Variants in FAM8A1 observed in about 807,000 individuals in gnomAD.
The protein encoded by FAM8A1 is protein FAM8A1.
A neutral mutation model predicts 38.3 loss-of-function variants in FAM8A1; 18 were observed. That is an observed-to-expected ratio of 0.47 (90% CI 0.33 to 0.70). The LOEUF is 0.70. Among genes scored for constraint, FAM8A1 ranks in the 30% least tolerant of loss-of-function variants. The probability of loss-of-function intolerance (pLI) is 0.03; values close to 1 mark genes in which losing one functional copy is unlikely to be tolerated. For synonymous variants in FAM8A1, 246 were observed against 234.4 expected, an observed-to-expected ratio of 1.05 and a Z score of -0.45; for missense variants, 559 against 559.6, an observed-to-expected ratio of 1.00 and a Z score of 0.01.
Position 17,605,038 on chromosome 6 carries a change from C to G in FAM8A1, c.957+9C>G. On this transcript the variant is annotated intron_variant, in intron 3 of 4. Transcript: ENST00000259963. Reference sequence around the variant, plus strand: ...TAGTTTGTTTCTATGAGGTAAGCTACTGACTTCAGCAAGAATTAATATTTA... The same window carrying G: ...TAGTTTGTTTCTATGAGGTAAGCTAGTGACTTCAGCAAGAATTAATATTTA... 1 of 1,596,862 alleles carries G rather than the reference C, an allele frequency of 6.3e-7. No individual in the cohort carries two copies. Among genetic ancestry groups the G allele is most frequent in the Non-Finnish European group, 8.5e-7 (1 of 1,172,994 alleles).
chr6:17,601,865 A>G (rs1763990156), intron 1 of FAM8A1, among the ~76,000 whole-genome samples: 1 of 152,018 alleles, frequency 6.6e-6, no homozygotes, highest in Non-Finnish European at 1.5e-5. Flanking sequence ...GGGGGATTAC[A>G]GGGATTTACT....
At position 17,600,638 on chromosome 6, in the gene FAM8A1, G is replaced by T; in HGVS notation, c.229G>T (p.Gly77Trp). ...GCCGCCGCGCGAGCTCAGGAAGCGC[G>T]GGGAGGCGGCCTCCGGCTCCGGTGC... The part of the protein sequence containing the change: ...LEPPRELRKR[G>W]EAASGSGAEL... The change falls in exon 1 of 5, where the codon GGG becomes TGG. Residue 77 changes from glycine to tryptophan, a missense_variant. Physicochemically the swap from Gly to Trp is radical, Grantham distance 184. This residue lies in a region of FAM8A1 where 393 missense variants were observed against 338.9 expected (regional missense o/e 1.16). Transcript: ENST00000259963. 2 of 1,538,450 alleles carry T rather than the reference G, an allele frequency of 1.3e-6. No individual in the cohort carries two copies. The highest frequency in any genetic ancestry group is 1.2e-5 in the South Asian group (1 of 83,604).
intron 4 of FAM8A1, 36 bp downstream of exon 4, chr6:17,606,049 T>C (rs1385426905): frequency 1.4e-6 from 2 of 1,431,588 alleles, no homozygotes; most frequent in Non-Finnish European, 1.9e-6. Flanking sequence ...ACTACATACT[T>C]AATGAAAATA....
At chr6:17,605,494 C>T (rs1002084663) in intron 3 of FAM8A1, among the ~76,000 whole-genome samples, 5 of 152,034 alleles carry the variant, frequency 3.3e-5, no homozygotes, top group Non-Finnish European at 4.4e-5. Flanking sequence ...TTTAACTAAT[C>T]ATTAAGTAAA....
Position 17,600,338 on chromosome 6 carries a change from G to GTTGGGGAGGGGCCA in FAM8A1, c.-65_-52dup. ...CGGTTGCTGCGGTGGTGACGGGGCT[G>GTTGGGGAGGGGCCA]TTGGGGAGGGGCCATTGGGGGAGGG... On this transcript the variant is annotated 5_prime_UTR_variant, in exon 1 of 5. Transcript: ENST00000259963. The GTTGGGGAGGGGCCA allele has an allele frequency of 7.6e-7, 1 of 1,321,798 alleles. No homozygotes were observed. 81.9% of individuals were successfully genotyped at this position (1,321,798 alleles called of 1,614,324 possible). A position where few individuals can be genotyped will look rare whatever the true frequency, so the allele number is the denominator to read the frequency against.
In FAM8A1 at chr6:17,600,779, T is replaced by C. The variant is rs755527701; in HGVS notation, c.370T>C (p.Ser124Pro). 2 of 1,611,122 alleles carry C rather than the reference T, an allele frequency of 1.2e-6. No homozygotes were observed. The highest frequency in any genetic ancestry group is 1.7e-6 in the Non-Finnish European group (2 of 1,179,652). ...SRQVHEWLWQ[S>P]YCGYLTWHSG... ...GCAAGTGCACGAGTGGCTGTGGCAGTCCTACTGCGGCTACCTCACCTGGCA... is the reference window on the plus strand; with the variant it reads ...GCAAGTGCACGAGTGGCTGTGGCAGCCCTACTGCGGCTACCTCACCTGGCA... Residue 124 changes from serine (S) to proline (P), a missense_variant, in exon 1 of 5, where the codon TCC (serine) becomes CCC (proline). Ser to Pro is a moderately conservative substitution (Grantham distance 74). Coordinates refer to ENST00000259963, the MANE Select transcript of FAM8A1 (RefSeq NM_016255.3).
Position 17,606,700 on chromosome 6 carries a change from T to C in FAM8A1, c.1097+687T>C, listed in dbSNP as rs566506728. On this transcript the variant is annotated intron_variant, in intron 4 of 4. Transcript: ENST00000259963. Reference sequence around the variant, plus strand: ...ATAGGCAGCAGAGTTTTGACAGCTATGCATTCGTGCATCCTTCTCCTGCTG... The same window carrying C: ...ATAGGCAGCAGAGTTTTGACAGCTACGCATTCGTGCATCCTTCTCCTGCTG... 1.2e-3 allele frequency among the ~76,000 whole-genome samples: 188 copies of C among 152,280 alleles called. 1 individual carries two copies. The highest frequency in any genetic ancestry group is 2.1e-3 in the Non-Finnish European group (146 of 68,022).
intron 2 of FAM8A1, 109 bp from the exon 3 acceptor site, chr6:17,604,797 T>C: frequency 1.2e-6 from 1 of 822,036 alleles, no homozygotes; most frequent in South Asian, 1.8e-5. Context: ...AATCTAAAGA[T>C]TAGTTTAGAA....
At chr6:17,606,745 A>G (rs1337035804) in intron 4 of FAM8A1, among the ~76,000 whole-genome samples, 1 of 152,144 alleles carries the variant, frequency 6.6e-6, no homozygotes, top group Non-Finnish European at 1.5e-5. Flanking sequence ...AGCTTGTAAT[A>G]CTGCCAGTAT....
chr6:17,608,305 G>A lies in FAM8A1; in HGVS notation c.1208G>A (p.Gly403Glu). The A allele has an allele frequency of 6.2e-7, 1 of 1,612,156 alleles. No homozygotes were observed. Among genetic ancestry groups the A allele is most frequent in the Non-Finnish European group, 8.5e-7 (1 of 1,179,562 alleles). The change falls in exon 5 of 5, where the codon GGA becomes GAA. Residue 403 changes from glycine to glutamate, a missense_variant. Coordinates refer to ENST00000259963, the MANE Select transcript of FAM8A1 (RefSeq NM_016255.3). ...HNRTAYDIVA[G>E]TIVVKRNGVR ...CGAACAGCTTATGACATTGTAGCAGGAACCATTGTGGTAAAAAGAAATGGG... is the reference window on the plus strand; with the variant it reads ...CGAACAGCTTATGACATTGTAGCAGAAACCATTGTGGTAAAAAGAAATGGG...
chr6:17,602,565 A>C (rs762337032), intron 1 of FAM8A1, 25 bp from the exon 2 acceptor site: 14 of 1,402,546 alleles, frequency 1.0e-5, no homozygotes, highest in Middle Eastern at 2.6e-4. Context: ...GTTTTTCCTA[A>C]CTTTTTTTTT....
rs752631845 is a variant in FAM8A1, at chr6:17,605,037, A to G, written c.957+8A>G. The stretch of plus-strand genomic sequence containing the variant: ...TTAGTTTGTTTCTATGAGGTAAGCT[A>G]CTGACTTCAGCAAGAATTAATATTT... On this transcript the variant is annotated splice_region_variant and intron_variant, in intron 3 of 4. Coordinates refer to ENST00000259963, the MANE Select transcript of FAM8A1 (RefSeq NM_016255.3). 1.3e-6 allele frequency: 2 copies of G among 1,597,706 alleles called. No homozygotes were observed. The highest frequency in any genetic ancestry group is 1.1e-5 in the South Asian group (1 of 88,552).
chr6:17,602,569 T>C (rs200086799), intron 1 of FAM8A1, 21 bp from the exon 2 acceptor site: 1 of 1,492,774 alleles, frequency 6.7e-7, no homozygotes, highest in African/African-American at 1.5e-5. Flanking sequence ...TTCCTAACTT[T>C]TTTTTTTTTT....
chr6:17,606,986 C>T (rs555045702), intron 4 of FAM8A1, among the ~76,000 whole-genome samples: 5 of 152,276 alleles, frequency 3.3e-5, no homozygotes, highest in African/African-American at 1.2e-4. Context: ...TATAGCCGGG[C>T]ACAGTGGCTC....
Position 17,608,235 on chromosome 6 carries a change from T to G in FAM8A1, c.1138T>G (p.Ser380Ala), listed in dbSNP as rs1373747156. ...TTTGATCAAGAATTTTTCAATTGCT[T>G]CTTTTTTCCCTGCTTTCATCACACT... Reference protein sequence around the residue: ...RALIKNFSIASFFPAFITLLF... With the variant: ...RALIKNFSIAAFFPAFITLLF... The change falls in exon 5 of 5, where the codon TCT becomes GCT. Residue 380 changes from serine to alanine, a missense_variant. By Grantham distance (99) the Ser-to-Ala change is moderately conservative. Transcript: ENST00000259963. 13 of 1,613,640 alleles carry G rather than the reference T, an allele frequency of 8.1e-6. No homozygotes were observed. The highest frequency in any genetic ancestry group is 1.1e-5 in the Non-Finnish European group (13 of 1,179,780).
Position 17,605,904 on chromosome 6 carries a change from AC to A in FAM8A1, c.992del (p.Pro331GlnfsTer11). ...IICIWGAGGA[T>X]PGKFLLGLRV... ...TTGCATTTGGGGAGCAGGTGGAGCT[AC>A]CCCAGGGAAGTTCCTGCTGGGGCTT... is the stretch of plus-strand genomic sequence containing the variant. On this transcript the variant is annotated frameshift_variant, in exon 4 of 5. Coordinates refer to ENST00000259963, the MANE Select transcript of FAM8A1 (RefSeq NM_016255.3). LOFTEE classifies it high-confidence loss of function. The A allele has an allele frequency of 6.4e-7, 1 of 1,563,528 alleles. No homozygotes were observed. Among genetic ancestry groups the A allele is most frequent in the Non-Finnish European group, 8.7e-7 (1 of 1,147,892 alleles).
chr6:17,601,042 G>C lies in FAM8A1; in HGVS notation c.633G>C (p.Ala211=). Residue 211 remains alanine, a synonymous_variant, in exon 1 of 5, where the codon GCG becomes GCC. Coordinates refer to ENST00000259963, the MANE Select transcript of FAM8A1 (RefSeq NM_016255.3). The stretch of plus-strand genomic sequence containing the variant: ...GACCCCGGGCTCCTCACGTGCAGGC[G>C]TCGGTCCGGGCCACTCCAGTGACGA... The part of the protein sequence containing the change: ...GLGPRAPHVQ[A]SVRATPVTRV... 6.3e-7 allele frequency: 1 copy of C among 1,593,018 alleles called. No homozygotes were observed. The highest frequency in any genetic ancestry group is 8.5e-7 in the Non-Finnish European group (1 of 1,172,578).
intron 3 of FAM8A1, 86 bp from the exon 4 acceptor site, chr6:17,605,788 A>G: frequency 7.5e-7 from 1 of 1,332,840 alleles, no homozygotes; most frequent in South Asian, 1.8e-5. Context: ...AAAAATTTAA[A>G]ACATGAAATA....
At chr6:17,605,085 A>G in intron 3 of FAM8A1, 56 bp downstream of exon 3, 2 of 1,513,610 alleles carry the variant, frequency 1.3e-6, no homozygotes, top group South Asian at 2.3e-5. Context: ...TTATGTTTTT[A>G]CATTTATTTT....
Sources: allele counts gnomAD v4.1 joint callset (sites outside exome capture counted in the v4.1 genomes callset), GRCh38; gene constraint gnomAD v4.1.1; regional missense constraint gnomAD v4.1.1; transcripts MANE v1.5; gene names NCBI Gene and HGNC (gene_info 2026-07-23, HGNC 2026-07-21).